Variants in TTC28 observed in about 807,000 individuals in gnomAD.
The protein encoded by TTC28 is tetratricopeptide repeat domain 28, also known as tetratricopeptide repeat protein 28.
TTC28 carries 61 observed loss-of-function variants against 198.0 expected under a neutral mutation model. The observed-to-expected ratio is 0.31, with a 90% confidence interval of 0.25 to 0.38. The LOEUF (loss-of-function observed/expected upper bound fraction) is 0.38, where lower values mean the gene tolerates loss of function less well. Ranked by LOEUF, TTC28 falls within the 10% of genes least tolerant of loss-of-function variation. TTC28 has a pLI of 1.00. For synonymous variants in TTC28, 1,171 were observed against 1,297.8 expected (o/e 0.90, Z 2.10); for missense variants, 2,678 against 3,164.0 (o/e 0.85, Z 3.69).
Position 28,629,785 on chromosome 22 carries a change from C to T in TTC28, c.148G>A (p.Gly50Arg). 1 of 1,551,704 alleles carries T rather than the reference C, an allele frequency of 6.4e-7. No homozygotes were observed. Among genetic ancestry groups the T allele is most frequent in the South Asian group, 1.2e-5 (1 of 84,048 alleles). ...AATTCAGCTTTGCTCAGTACCGGTC[C>T]ATCAGGACTTCTCTGGCCAATAGTG... ...ADTIGQRSPD[G>R]PVLSKAEFVE... The change falls in exon 2 of 23, where the codon GGA (glycine) becomes AGA (arginine). Residue 50 changes from glycine (G) to arginine (R), a missense_variant. Physicochemically the swap from Gly to Arg is moderately radical, Grantham distance 125. Coordinates refer to ENST00000397906, the MANE Select transcript of TTC28 (RefSeq NM_001145418.2).
At chr22:28,224,824 T>G (rs773153665) in intron 5 of TTC28, among the ~76,000 whole-genome samples, 9 of 152,146 alleles carry the variant, frequency 5.9e-5, no homozygotes, top group Non-Finnish European at 5.9e-5. Flanking sequence ...ACATTCCCTT[T>G]TTTGCTTAAA....
rs530841484 is a variant in TTC28 at position 28,578,073 on chromosome 22, G to A, written c.381+51479C>T. On this transcript the variant is annotated intron_variant, in intron 2 of 22. Transcript: ENST00000397906. ...TCCTTCCTATTTTCCTTTAAGTGAC[G>A]GTGATTTCCTCAGGTGATACTTTTT... 6.6e-5 allele frequency among the ~76,000 whole-genome samples: 10 copies of A among 151,886 alleles called. No homozygotes were observed. In the East Asian group the frequency reaches 1.4e-3, roughly 21 times the overall value.
intron 13 of TTC28, among the ~76,000 whole-genome samples, chr22:28,026,320 C>T (rs1938833178): frequency 6.6e-6 from 1 of 152,168 alleles, no homozygotes; most frequent in African/African-American, 2.4e-5. Flanking sequence ...GAGGTCCCTG[C>T]CCAGCAGACA....
At chr22:28,380,847 G>T (rs372822432) in intron 2 of TTC28, among the ~76,000 whole-genome samples, 8 of 152,110 alleles carry the variant, frequency 5.3e-5, no homozygotes, top group African/African-American at 1.9e-4. Flanking sequence ...TTTTACAGAT[G>T]AGTGCTTGTG....
chr22:28,089,752 G>A (rs1000484960), intron 12 of TTC28, among the ~76,000 whole-genome samples: 71 of 150,248 alleles, frequency 4.7e-4, no homozygotes, highest in Non-Finnish European at 8.7e-4. Context: ...AAGAAAATGT[G>A]GCATGTATAC....
At chr22:28,278,912 G>C (rs994989798) in intron 5 of TTC28, among the ~76,000 whole-genome samples, 1 of 152,174 alleles carries the variant, frequency 6.6e-6, no homozygotes, top group East Asian at 1.9e-4. Context: ...AGCCAGGAAA[G>C]AGATGGGAAT....
intron 2 of TTC28, among the ~76,000 whole-genome samples, chr22:28,392,543 G>A (rs1462712388): frequency 2.0e-5 from 3 of 152,148 alleles, no homozygotes; most frequent in Non-Finnish European, 2.9e-5. Context: ...ATAATCTCCT[G>A]GTGCGCCATT....
chr22:28,068,295 ATCAG>A (rs1490064606), intron 12 of TTC28, among the ~76,000 whole-genome samples: 4 of 152,160 alleles, frequency 2.6e-5, no homozygotes, highest in Admixed American at 2.0e-4. Flanking sequence ...CCTAGGATAA[ATCAG>A]TCAGTCTTCT....
intron 2 of TTC28, among the ~76,000 whole-genome samples, chr22:28,619,972 G>A (rs1381044601): frequency 6.6e-6 from 1 of 152,156 alleles, no homozygotes; most frequent in African/African-American, 2.4e-5. Context: ...GTCCACAGCA[G>A]CAGATCATCT....
At chr22:28,644,491 C>T (rs752374989) in intron 1 of TTC28, among the ~76,000 whole-genome samples, 11 of 151,320 alleles carry the variant, frequency 7.3e-5, no homozygotes, top group Non-Finnish European at 1.2e-4. Context: ...CCTGAATGAC[C>T]CATGCTAGAA....
intron 2 of TTC28, among the ~76,000 whole-genome samples, chr22:28,335,588 C>T (rs891686877): frequency 5.9e-5 from 9 of 152,070 alleles, no homozygotes; most frequent in Admixed American, 1.3e-4. Flanking sequence ...GTATTTTATT[C>T]TCTTTGAAGC....
intron 5 of TTC28, among the ~76,000 whole-genome samples, chr22:28,192,955 G>A (rs989119544): frequency 1.4e-4 from 22 of 152,094 alleles, no homozygotes; most frequent in Admixed American, 3.9e-4. Context: ...ACAAAGATAC[G>A]CCTTGACAAG....
intron 2 of TTC28, among the ~76,000 whole-genome samples, chr22:28,338,163 C>T (rs1331189814): frequency 2.6e-5 from 4 of 152,132 alleles, no homozygotes; most frequent in Non-Finnish European, 5.9e-5. Flanking sequence ...ATGTTGAAAA[C>T]TGGCCCCCAC....
intron 2 of TTC28, among the ~76,000 whole-genome samples, chr22:28,527,952 A>G (rs2049041474): frequency 1.3e-5 from 2 of 152,164 alleles, no homozygotes; most frequent in African/African-American, 4.8e-5. Flanking sequence ...ATACAGCAAG[A>G]CAGAACAAGT....
chr22:28,595,083 A>G (rs951498009), intron 2 of TTC28, among the ~76,000 whole-genome samples: 4 of 152,180 alleles, frequency 2.6e-5, no homozygotes, highest in Non-Finnish European at 5.9e-5. Context: ...AAAAAAGCAT[A>G]TTTATTTCTA....
intron 1 of TTC28, among the ~76,000 whole-genome samples, chr22:28,650,567 G>A (rs539959583): frequency 1.3e-5 from 2 of 152,268 alleles, no homozygotes; most frequent in East Asian, 3.9e-4. Context: ...CCTGCCATGA[G>A]ATAATTAGAA....
intron 12 of TTC28, among the ~76,000 whole-genome samples, chr22:28,061,544 A>T (rs1940543277): frequency 6.6e-6 from 1 of 151,930 alleles, no homozygotes; most frequent in South Asian, 2.1e-4. Context: ...GTGGCGTTAT[A>T]CCTGAGGGCT....
At chr22:28,471,975 T>G (rs1418372806) in intron 2 of TTC28, among the ~76,000 whole-genome samples, 3 of 152,132 alleles carry the variant, frequency 2.0e-5, no homozygotes, top group Non-Finnish European at 4.4e-5. Flanking sequence ...CAAAGCATCT[T>G]TGAATCTTCA....
intron 2 of TTC28, among the ~76,000 whole-genome samples, chr22:28,448,446 C>A (rs932856509): frequency 2.0e-5 from 3 of 151,942 alleles, no homozygotes; most frequent in South Asian, 2.1e-4. Context: ...GTGTTTTAGG[C>A]GTAGAAATTT....
Sources: gnomAD v4.1 joint callset for allele counts (sites outside exome capture counted in the v4.1 genomes callset) on GRCh38, gnomAD v4.1.1 for gene constraint, MANE v1.5 for transcripts, NCBI Gene and HGNC (gene_info 2026-07-23, HGNC 2026-07-21) for gene names.